Variants in ABCC1 observed in about 807,000 individuals in gnomAD.
ABCC1 encodes the protein ATP binding cassette subfamily C member 1 (ABCC1 blood group).
Under a neutral mutation model 172.9 loss-of-function variants are expected in ABCC1, and 83 were observed. The ratio of observed to expected loss-of-function variants is 0.48; its 90% confidence interval spans 0.40 to 0.58. The LOEUF (loss-of-function observed/expected upper bound fraction) is 0.58. Among genes scored for constraint, ABCC1 ranks in the 20% least tolerant of loss-of-function variants. ABCC1 has a pLI of 0.00. For missense variants in ABCC1, 1,817 were observed against 2,002.7 expected (o/e 0.91, Z 1.77); for synonymous variants, 937 against 825.2 (o/e 1.14, Z -2.32).
chr16:16,048,415 TC>T lies in ABCC1; in HGVS notation c.1380+114del, dbSNP rs1480294837. 6.3e-6 allele frequency: 8 copies of T among 1,261,956 alleles called. No homozygotes were observed. The African/African-American group carries it at 1.1e-4, about 17-fold the overall frequency. 78.2% of individuals were successfully genotyped at this position (1,261,956 alleles called of 1,614,324 possible). ...ATGGCATGTAGAGCTCCCTGGCAGT[TC>T]CGGCTGTGGTTCATATTTTATTTTC... On this transcript the variant is annotated intron_variant, in intron 10 of 30. Coordinates refer to ENST00000399410, the MANE Select transcript of ABCC1 (RefSeq NM_004996.4).
chr16:16,018,274 T>C (rs528306438), intron 5 of ABCC1, among the ~76,000 whole-genome samples: 5 of 152,006 alleles, frequency 3.3e-5, no homozygotes, highest in African/African-American at 1.2e-4. Context: ...TCAGGCCAGG[T>C]GTGGTGGCTC....
chr16:16,026,937 C>T (rs1048644818), intron 5 of ABCC1, among the ~76,000 whole-genome samples: 2 of 152,018 alleles, frequency 1.3e-5, no homozygotes, highest in African/African-American at 4.8e-5. Flanking sequence ...AAACAAAAAA[C>T]TGTGCAGTGT....
intron 18 of ABCC1, among the ~76,000 whole-genome samples, chr16:16,089,769 C>T (rs796972200): frequency 1.5e-4 from 21 of 144,630 alleles, no homozygotes; most frequent in Admixed American, 4.9e-4. Flanking sequence ...CCCAGCTACG[C>T]GGGAGGGAGG....
Position 16,115,084 on chromosome 16 carries a change from G to C in ABCC1, c.3390+8G>C. 6.2e-7 allele frequency: 1 copy of C among 1,612,540 alleles called. No individual in the cohort carries two copies. Among genetic ancestry groups the C allele is most frequent in the Non-Finnish European group, 8.5e-7 (1 of 1,178,724 alleles). On this transcript the variant is annotated splice_region_variant and intron_variant, in intron 23 of 30. Transcript: ENST00000399410. ...ATCTACTTCTTCGTCCAGGTAAGGG[G>C]TGAGGTCTTAGTGTTCGGGACAAGC...
chr16:16,023,067 CTG>C (rs1370071452), intron 5 of ABCC1, among the ~76,000 whole-genome samples: 3 of 152,112 alleles, frequency 2.0e-5, no homozygotes, highest in Non-Finnish European at 4.4e-5. Context: ...GTGCACACTA[CTG>C]TGTTTGGCTA....
At chr16:16,015,409 A>T (rs1732245309) in intron 4 of ABCC1, among the ~76,000 whole-genome samples, 1 of 152,186 alleles carries the variant, frequency 6.6e-6, no homozygotes, top group Admixed American at 6.5e-5. Flanking sequence ...AAGTGTTGGG[A>T]TTACAGGCGT....
chr16:16,141,476 A>C lies in ABCC1; in HGVS notation c.*195A>C. On this transcript the variant is annotated 3_prime_UTR_variant, in exon 31 of 31. Coordinates refer to ENST00000399410, the MANE Select transcript of ABCC1 (RefSeq NM_004996.4). ...TGCCTGGAACTGGCTGTGAAGACCC[A>C]GGAGAGACAGAGATGCGAACCACCC... 1 of 588,042 alleles carries C rather than the reference A, an allele frequency of 1.7e-6. No individual in the cohort carries two copies. Among genetic ancestry groups the C allele is most frequent in the Non-Finnish European group, 3.0e-6 (1 of 331,950 alleles). 36.4% of individuals were successfully genotyped at this position (588,042 alleles called of 1,614,324 possible).
intron 19 of ABCC1, among the ~76,000 whole-genome samples, chr16:16,099,597 C>A (rs1315871953): frequency 1.3e-5 from 2 of 152,210 alleles, no homozygotes; most frequent in Admixed American, 6.5e-5. Context: ...CTCTGGGAGA[C>A]TAGACTCTTT....
intron 12 of ABCC1, among the ~76,000 whole-genome samples, chr16:16,058,365 G>A (rs1433442576): frequency 6.6e-6 from 1 of 152,136 alleles, no homozygotes; most frequent in African/African-American, 2.4e-5. Context: ...TCTTGGTCAG[G>A]TTGGCAAATT....
At chr16:15,984,163 T>A (rs939326451) in intron 1 of ABCC1, among the ~76,000 whole-genome samples, 21 of 152,160 alleles carry the variant, frequency 1.4e-4, no homozygotes, top group African/African-American at 4.6e-4. Flanking sequence ...ATACAGTGGG[T>A]TCCACCCCTT....
intron 3 of ABCC1, 82 bp from the exon 4 acceptor site, chr16:16,014,409 T>G: frequency 2.0e-6 from 3 of 1,506,086 alleles, no homozygotes; most frequent in Admixed American, 2.0e-5. Context: ...ATTGCACCAC[T>G]GCGCTCCAGC....
chr16:16,117,857 G>C (rs1324309034), intron 23 of ABCC1, among the ~76,000 whole-genome samples: 2 of 152,136 alleles, frequency 1.3e-5, no homozygotes, highest in African/African-American at 4.8e-5. Context: ...AGTGAGCCAA[G>C]ATTGCATCAC....
intron 5 of ABCC1, among the ~76,000 whole-genome samples, chr16:16,021,622 C>T (rs2151787571): frequency 6.6e-6 from 1 of 152,242 alleles, no homozygotes; most frequent in Admixed American, 6.5e-5. Context: ...GAGGCAGAGG[C>T]AGGAGAATTG....
intron 4 of ABCC1, among the ~76,000 whole-genome samples, chr16:16,016,154 T>TG (rs1390517493): frequency 7.0e-6 from 1 of 142,982 alleles, no homozygotes; most frequent in Non-Finnish European, 1.5e-5. Context: ...TCTTGGTTTT[T>TG]TTTTTTTTTT....
At chr16:15,999,265 G>A (rs1013957868) in intron 1 of ABCC1, among the ~76,000 whole-genome samples, 4 of 151,942 alleles carry the variant, frequency 2.6e-5, no homozygotes, top group East Asian at 1.9e-4. Flanking sequence ...TTGGCCTCCC[G>A]AAGTGCTGGG....
chr16:16,006,882 A>C (rs867438592), intron 1 of ABCC1, among the ~76,000 whole-genome samples: 5 of 58,868 alleles, frequency 8.5e-5, no homozygotes, highest in Admixed American at 2.0e-4. Flanking sequence ...GGTGGCGGTG[A>C]TGGTGGTGGT....
chr16:16,134,425 G>A lies in ABCC1; in HGVS notation c.4042G>A (p.Glu1348Lys), dbSNP rs369139918. The A allele has an allele frequency of 1.1e-4, 178 of 1,614,124 alleles. No individual in the cohort carries two copies. The highest frequency in any genetic ancestry group is 3.5e-4 in the South Asian group (32 of 91,086). ...LGLFRINESA[E>K]GEIIIDGINI... ...CTTATTTCGGATCAACGAGTCTGCC[G>A]AAGGAGAGATCATCATCGATGGCAT... Residue 1348 changes from glutamate to lysine, a missense_variant, in exon 28 of 31, where the codon GAA (glutamate) becomes AAA (lysine). Glu to Lys is a moderately conservative substitution (Grantham distance 56). Transcript: ENST00000399410.
intron 1 of ABCC1, among the ~76,000 whole-genome samples, chr16:15,978,977 G>A (rs2046556226): frequency 6.6e-6 from 1 of 152,148 alleles, no homozygotes. Flanking sequence ...CATATTAATA[G>A]CAACAGGAGA....
intron 11 of ABCC1, among the ~76,000 whole-genome samples, chr16:16,053,336 C>T (rs2049509536): frequency 1.3e-5 from 2 of 152,114 alleles, no homozygotes; most frequent in South Asian, 2.1e-4. Flanking sequence ...CCAGGCTGGT[C>T]TCAAACTCCT....
Sources: allele counts gnomAD v4.1 joint callset (sites outside exome capture counted in the v4.1 genomes callset), GRCh38; gene constraint gnomAD v4.1.1; transcripts MANE v1.5; gene names NCBI Gene and HGNC (gene_info 2026-07-23, HGNC 2026-07-21).